PHKB: variants seen among roughly 807,000 people sequenced by gnomAD.
The protein encoded by PHKB is phosphorylase kinase regulatory subunit beta.
PHKB carries 122 observed loss-of-function variants against 152.1 expected under a neutral mutation model. That is an observed-to-expected ratio of 0.80 (90% confidence interval 0.69 to 0.93). The LOEUF (loss-of-function observed/expected upper bound fraction) is 0.93, where lower values mean the gene tolerates loss of function less well. Among genes scored for constraint, PHKB ranks in the 40% least tolerant of loss-of-function variants. The probability of loss-of-function intolerance (pLI) is 0.00; values close to 1 mark genes in which losing one functional copy is unlikely to be tolerated. For synonymous variants in PHKB, 436 were observed against 464.9 expected, an observed-to-expected ratio of 0.94 and a Z score of 0.80; for missense variants, 1,304 against 1,328.4, an observed-to-expected ratio of 0.98 and a Z score of 0.29.
intron 7 of PHKB, among the ~76,000 whole-genome samples, chr16:47,549,010 C>G (rs576401892): frequency 1.3e-4 from 20 of 152,150 alleles, no homozygotes; most frequent in African/African-American, 3.4e-4. Flanking sequence ...GACGTGGAAA[C>G]CTTTTTCTTT....
intron 1 of PHKB, among the ~76,000 whole-genome samples, chr16:47,466,777 A>G (rs577117767): frequency 5.9e-5 from 9 of 152,326 alleles, no homozygotes; most frequent in Non-Finnish European, 8.8e-5. Context: ...AGGAATTTAT[A>G]TAGCAGTCTT....
At chr16:47,669,461 T>C in intron 26 of PHKB, 44 bp downstream of exon 26, 2 of 1,572,090 alleles carry the variant, frequency 1.3e-6, no homozygotes, top group Non-Finnish European at 1.8e-6. Flanking sequence ...ATTGTTCAAG[T>C]TGTCCTCTAA....
intron 8 of PHKB, among the ~76,000 whole-genome samples, chr16:47,581,048 T>C (rs1046594797): frequency 5.9e-5 from 9 of 152,166 alleles, no homozygotes; most frequent in African/African-American, 2.2e-4. Context: ...TTATAAAGAT[T>C]CCTAAGATGG....
intron 20 of PHKB, 92 bp from the exon 21 acceptor site, chr16:47,660,414 T>C: frequency 1.0e-6 from 1 of 961,926 alleles, no homozygotes; most frequent in Non-Finnish European, 1.7e-6. Flanking sequence ...TTTTTTGAAG[T>C]ATTACTTAAT....
chr16:47,675,039 C>G (rs1168809114), intron 26 of PHKB, among the ~76,000 whole-genome samples: 1 of 152,202 alleles, frequency 6.6e-6, no homozygotes, highest in Non-Finnish European at 1.5e-5. Flanking sequence ...AGGAAGAGAT[C>G]TAATGTTTGC....
chr16:47,588,777 C>T (rs1971977516), intron 9 of PHKB, 128 bp from the exon 10 acceptor site: 2 of 758,582 alleles, frequency 2.6e-6, no homozygotes, highest in Admixed American at 2.0e-5. Context: ...TCTGTCTGAT[C>T]CTGGGAGCAG....
At chr16:47,475,482 CCAA>C (rs1368297613) in intron 1 of PHKB, among the ~76,000 whole-genome samples, 1 of 152,050 alleles carries the variant, frequency 6.6e-6, no homozygotes. Flanking sequence ...CTAAATGACT[CCAA>C]AGTGGGCATC....
intron 6 of PHKB, among the ~76,000 whole-genome samples, chr16:47,521,801 A>G (rs532184941): frequency 1.3e-5 from 2 of 152,166 alleles, no homozygotes; most frequent in East Asian, 1.9e-4. Flanking sequence ...TATTTTTTCT[A>G]TATCTGTTGA....
chr16:47,584,641 C>A (rs560733934), intron 8 of PHKB, among the ~76,000 whole-genome samples: 1 of 152,126 alleles, frequency 6.6e-6, no homozygotes, highest in African/African-American at 2.4e-5. Context: ...ATACCCTTTC[C>A]GGAAGAATAC....
chr16:47,537,969 A>C (rs1387928240), intron 6 of PHKB, among the ~76,000 whole-genome samples: 2 of 151,598 alleles, frequency 1.3e-5, no homozygotes, highest in African/African-American at 4.9e-5. Context: ...ATCACAGCTC[A>C]CTGTCCTCAG....
At chr16:47,619,856 C>T (rs1351888407) in intron 14 of PHKB, among the ~76,000 whole-genome samples, 1 of 152,076 alleles carries the variant, frequency 6.6e-6, no homozygotes, top group Non-Finnish European at 1.5e-5. Context: ...TTGTATTTTG[C>T]GTTACAGTTG....
chr16:47,476,864 C>T (rs995390728), intron 1 of PHKB, among the ~76,000 whole-genome samples: 3 of 152,140 alleles, frequency 2.0e-5, no homozygotes, highest in African/African-American at 7.2e-5. Flanking sequence ...AGTGGCTCTT[C>T]AGTTTCTAAA....
At chr16:47,470,271 A>G (rs1423156421) in intron 1 of PHKB, among the ~76,000 whole-genome samples, 1 of 152,246 alleles carries the variant, frequency 6.6e-6, no homozygotes, top group Admixed American at 6.5e-5. Flanking sequence ...TAAATTAACT[A>G]TAAGTATCCT....
chr16:47,500,853 TC>T (rs1409138982), intron 3 of PHKB, among the ~76,000 whole-genome samples: 1 of 152,212 alleles, frequency 6.6e-6, no homozygotes, highest in Non-Finnish European at 1.5e-5. Flanking sequence ...AATATTAATT[TC>T]CTGAAAGCGA....
At chr16:47,605,555 A>G (rs1193549385) in intron 13 of PHKB, among the ~76,000 whole-genome samples, 1 of 152,228 alleles carries the variant, frequency 6.6e-6, no homozygotes, top group African/African-American at 2.4e-5. Context: ...ATTTTTTCAC[A>G]TCTCAGTGAT....
chr16:47,642,075 G>T (rs1032226258), intron 16 of PHKB, among the ~76,000 whole-genome samples: 1 of 151,484 alleles, frequency 6.6e-6, no homozygotes, highest in Non-Finnish European at 1.5e-5. Flanking sequence ...CTTACATTTT[G>T]ATTTGGTTTT....
At chr16:47,660,182 C>A (rs1201177527) in intron 20 of PHKB, among the ~76,000 whole-genome samples, 1 of 152,136 alleles carries the variant, frequency 6.6e-6, no homozygotes, top group African/African-American at 2.4e-5. Context: ...TTTTTTTTAA[C>A]ATTTTAATGG....
intron 25 of PHKB, chr16:47,666,124 C>T: frequency 1.2e-6 from 1 of 845,138 alleles, no homozygotes; most frequent in African/African-American, 1.7e-5. Context: ...ACCTCAATGT[C>T]ATAGGCCTCT....
chr16:47,606,546 ATTTTTG>A (rs769319926), intron 13 of PHKB, among the ~76,000 whole-genome samples: 1 of 152,138 alleles, frequency 6.6e-6, no homozygotes, highest in Non-Finnish European at 1.5e-5. Flanking sequence ...TAGAAGTTGG[ATTTTTG>A]TTTTTGTTTT....
Sources: gnomAD v4.1 joint callset for allele counts (sites outside exome capture counted in the v4.1 genomes callset) on GRCh38, gnomAD v4.1.1 for gene constraint, MANE v1.5 for transcripts, NCBI Gene and HGNC (gene_info 2026-07-23, HGNC 2026-07-21) for gene names.